TMEM259: variants seen among roughly 807,000 people sequenced by gnomAD.
The protein encoded by TMEM259 is transmembrane protein 259, also known as membralin.
Under a neutral mutation model 46.7 loss-of-function variants are expected in TMEM259, and 26 were observed. The ratio of observed to expected loss-of-function variants is 0.56; its 90% CI spans 0.41 to 0.77. The LOEUF (loss-of-function observed/expected upper bound fraction) is 0.77, where lower values mean the gene tolerates loss of function less well. Ranked by LOEUF, TMEM259 falls within the 30% of genes least tolerant of loss-of-function variation. The pLI is 0.00. For missense variants in TMEM259, 930 were observed against 900.5 expected (o/e 1.03, Z -0.42); for synonymous variants, 494 against 395.1 (o/e 1.25, Z -2.97).
intron 4 of TMEM259, 61 bp from the exon 5 acceptor site, chr19:1,012,249 C>T (rs748213934): frequency 1.3e-6 from 2 of 1,547,486 alleles, no homozygotes; most frequent in East Asian, 2.4e-5. Context: ...GGGCCCTGCC[C>T]CAGCTGGCTC....
At position 1,012,180 on chromosome 19, in the gene TMEM259, G is replaced by T. The variant is rs774357289; in HGVS notation, c.727C>A (p.Arg243=). 5 of 1,601,578 alleles carry T rather than the reference G, an allele frequency of 3.1e-6. No homozygotes were observed. The highest frequency in any genetic ancestry group is 2.3e-5 in the East Asian group (1 of 44,242). Residue 243 remains arginine (R), a synonymous_variant, in exon 5 of 11, where the codon CGG becomes AGG. Transcript: ENST00000356663. The stretch of plus-strand genomic sequence containing the variant: ...AAGCGGTCCCCGAAGCACTGGTCCC[G>T]CGTGGGGTCTGCGGGTGGGTGAATC... ...PVMVVTLDPT[R]DQCFGDRFSR... is the part of the protein sequence containing the mutation.
intron 1 of TMEM259, among the ~76,000 whole-genome samples, chr19:1,015,802 G>C (rs988636386): frequency 7.2e-5 from 11 of 152,174 alleles, no homozygotes; most frequent in Admixed American, 3.3e-4. Flanking sequence ...CCATAGGCAA[G>C]ACCACCAGGA....
Position 1,009,946 on chromosome 19 carries a change from G to A in TMEM259, c.*404C>T, listed in dbSNP as rs1058764. On this transcript the variant is annotated 3_prime_UTR_variant, in exon 11 of 11. Transcript: ENST00000356663. ...AAGGCACTGCAGGGAGCACCAGGCA[G>A]AGCCGGGCTGAGGCCGGCCGGCACT... 1 of 321,742 alleles carries A rather than the reference G, an allele frequency of 3.1e-6. No individual in the cohort carries two copies. Among genetic ancestry groups the A allele is most frequent in the Non-Finnish European group, 5.7e-6 (1 of 176,386 alleles). The allele number at this position is 321,742 out of a possible 1,614,324, so 19.9% of individuals were successfully genotyped here.
rs1434565563 is a variant in TMEM259, at chr19:1,020,385, G to C, written c.225+387C>G. On this transcript the variant is annotated intron_variant, in intron 1 of 10. Coordinates refer to ENST00000356663, the MANE Select transcript of TMEM259 (RefSeq NM_001033026.2). The surrounding 1 kb of genome is among the most constrained non-coding windows in gnomAD (Gnocchi z 4.0). ...GGCACAGTCAGGGGTCAAAGGGCGG[G>C]AGGTGCTACCTCGCAGGCCAGGACC... Among the ~76,000 whole-genome samples the C allele has an allele frequency of 2.0e-5, 3 of 152,160 alleles. No individual in the cohort carries two copies. Among genetic ancestry groups the C allele is most frequent in the Non-Finnish European group, 4.4e-5 (3 of 68,018 alleles).
chr19:1,015,596 G>A (rs1337573325), intron 1 of TMEM259, among the ~76,000 whole-genome samples: 1 of 152,070 alleles, frequency 6.6e-6, no homozygotes, highest in Admixed American at 6.5e-5. Flanking sequence ...CTGCTGCCCC[G>A]ATCCGCAAAA....
At position 1,010,361 on chromosome 19, in the gene TMEM259, C is replaced by T. The variant is rs936191605; in HGVS notation, c.1852G>A (p.Val618Met). 8 of 1,491,334 alleles carry T rather than the reference C, an allele frequency of 5.4e-6. No individual in the cohort carries two copies. The highest frequency in any genetic ancestry group is 7.1e-6 in the Non-Finnish European group (8 of 1,128,792). The allele number at this position is 1,491,334 out of a possible 1,614,324, so 92.4% of individuals were successfully genotyped here. ...SMAPTEAPSEVGS is the reference protein window; with the variant it reads ...SMAPTEAPSEMGS Reference sequence around the variant, plus strand: ...CTCAGCTGTGCGGCTCAGGACCCCACCTCCGAGGGCGCCTCCGTTGGGGCC... The same window carrying T: ...CTCAGCTGTGCGGCTCAGGACCCCATCTCCGAGGGCGCCTCCGTTGGGGCC... Residue 618 changes from valine (V) to methionine (M), a missense_variant, in exon 11 of 11, where the codon GTG (valine) becomes ATG (methionine). Coordinates refer to ENST00000356663, the MANE Select transcript of TMEM259 (RefSeq NM_001033026.2).
In TMEM259 at chr19:1,020,921, C is replaced by A; in HGVS notation, c.76G>T (p.Gly26Trp). Reference sequence around the variant, plus strand: ...GGGTTGAGATTGGGGGTGCGAGGCCCGCGCGCGGGGGCCGGGCCGCCGCCG... The same window carrying A: ...GGGTTGAGATTGGGGGTGCGAGGCCAGCGCGCGGGGGCCGGGCCGCCGCCG... ...GGGGGPAPAR[G>W]PRTPNLNPNP... Residue 26 changes from glycine (G) to tryptophan (W), a missense_variant, in exon 1 of 11, where the codon GGG becomes TGG. By Grantham distance (184) the Gly-to-Trp change is radical. Transcript: ENST00000356663. This position sits in a 1 kb window ranked among gnomAD's most constrained non-coding sequence, Gnocchi z 4.0. 7.9e-7 allele frequency: 1 copy of A among 1,268,970 alleles called. No homozygotes were observed. Among genetic ancestry groups the A allele is most frequent in the Non-Finnish European group, 9.9e-7 (1 of 1,006,254 alleles). 78.6% of individuals were successfully genotyped at this position (1,268,970 alleles called of 1,614,324 possible). A position where few individuals can be genotyped will look rare whatever the true frequency, so the allele number is the denominator to read the frequency against.
In TMEM259 at chr19:1,014,302, C is replaced by G. The variant is rs201250012; in HGVS notation, c.397G>C (p.Gly133Arg). The G allele has an allele frequency of 1.9e-6, 3 of 1,612,918 alleles. No homozygotes were observed. Among genetic ancestry groups the G allele is most frequent in the Non-Finnish European group, 2.5e-6 (3 of 1,179,880 alleles). The stretch of plus-strand genomic sequence containing the variant: ...GCCAGGCCCGGGAAGCTCCCGCGGC[C>G]GCCGCTGTCACAGAACTGTAGGAAG... The part of the protein sequence containing the change: ...PVFLQFCDSG[G>R]RGSFPGLAVE... Residue 133 changes from glycine to arginine, a missense_variant, in exon 2 of 11, where the codon GGC becomes CGC. Physicochemically the swap from Gly to Arg is moderately radical, Grantham distance 125. Transcript: ENST00000356663.
chr19:1,019,904 CTCTTG>C (rs1282009999), intron 1 of TMEM259, among the ~76,000 whole-genome samples: 1 of 152,198 alleles, frequency 6.6e-6, no homozygotes, highest in Non-Finnish European at 1.5e-5. Context: ...TACTGAGCCC[CTCTTG>C]TCACCCAAGC....
Position 1,012,679 on chromosome 19 carries a change from C to A in TMEM259, c.608-106G>T, listed in dbSNP as rs189242035. 1.6e-4 allele frequency: 234 copies of A among 1,447,334 alleles called. No homozygotes were observed. The African/African-American group carries it at 2.4e-3, about 15-fold the overall frequency. 89.7% of individuals were successfully genotyped at this position (1,447,334 alleles called of 1,614,324 possible). Reference sequence around the variant, plus strand: ...GGGGTGGAGGGTGAGACCTGCTGAGCCCTGGGCCCCAGGTGGGTGCTGGGA... The same window carrying A: ...GGGGTGGAGGGTGAGACCTGCTGAGACCTGGGCCCCAGGTGGGTGCTGGGA... On this transcript the variant is annotated intron_variant, in intron 3 of 10. Transcript: ENST00000356663.
rs1294130180 is a variant in TMEM259 at position 1,020,963 on chromosome 19, G to T, written c.34C>A (p.Pro12Thr). Residue 12 changes from proline (P) to threonine (T), a missense_variant, in exon 1 of 11, where the codon CCC (proline) becomes ACC (threonine). Coordinates refer to ENST00000356663, the MANE Select transcript of TMEM259 (RefSeq NM_001033026.2). The surrounding 1 kb of genome is among the most constrained non-coding windows in gnomAD (Gnocchi z 4.0). ...SEHVEPAAPG[P>T]GPNGGGGGPA... Reference sequence around the variant, plus strand: ...CCGCCGCCGCCGCCGTTGGGCCCGGGCCCCGGAGCTGCGGGCTCCACGTGC... The same window carrying T: ...CCGCCGCCGCCGCCGTTGGGCCCGGTCCCCGGAGCTGCGGGCTCCACGTGC... The T allele has an allele frequency of 2.4e-6, 3 of 1,272,422 alleles. No individual in the cohort carries two copies. The highest frequency in any genetic ancestry group is 3.0e-6 in the Non-Finnish European group (3 of 1,007,316). 78.8% of individuals were successfully genotyped at this position (1,272,422 alleles called of 1,614,324 possible).
At chr19:1,012,263 T>C (rs996790579) in intron 4 of TMEM259, 75 bp from the exon 5 acceptor site, 7 of 1,538,174 alleles carry the variant, frequency 4.6e-6, no homozygotes, top group Non-Finnish European at 6.1e-6. Context: ...CTGGCTCCAT[T>C]GCTGAGGCCT....
rs1004151742 is a variant in TMEM259 at position 1,021,005 on chromosome 19, G to A, written c.-9C>T. On this transcript the variant is annotated 5_prime_UTR_variant, in exon 1 of 11. Transcript: ENST00000356663. ...TCCACGTGCTCCGACATGCCTCCCA[G>A]CGTCGCGCCCTAACGACCCGCAAGT... is the stretch of plus-strand genomic sequence containing the variant. 7.4e-7 allele frequency: 1 copy of A among 1,360,208 alleles called. No homozygotes were observed. 84.3% of individuals were successfully genotyped at this position (1,360,208 alleles called of 1,614,324 possible).
Position 1,009,799 on chromosome 19 carries a change from G to A in TMEM259, c.*551C>T, listed in dbSNP as rs1392467087. 7 of 492,472 alleles carry A rather than the reference G, an allele frequency of 1.4e-5. No homozygotes were observed. The highest frequency in any genetic ancestry group is 4.1e-5 in the South Asian group (1 of 24,280). 30.5% of individuals were successfully genotyped at this position (492,472 alleles called of 1,614,324 possible). ...CCATCCCCGAGTGGGACTGGACCAC[G>A]GCCCTGGCTGCTGCCACTGATGTTG... On this transcript the variant is annotated 3_prime_UTR_variant, in exon 11 of 11. Transcript: ENST00000356663.
rs904927570 is a variant in TMEM259, at chr19:1,011,680, G to A, written c.1001-17C>T. The stretch of plus-strand genomic sequence containing the variant: ...GCAGGTCCACTGCGGGCACAGGGCG[G>A]CGGGCGCCCGGTGAGGGCCTGGAGG... On this transcript the variant is annotated splice_polypyrimidine_tract_variant and intron_variant, in intron 7 of 10. Transcript: ENST00000356663. 3 of 1,538,816 alleles carry A rather than the reference G, an allele frequency of 1.9e-6. No homozygotes were observed. The highest frequency in any genetic ancestry group is 2.7e-5 in the African/African-American group (2 of 72,836).
At position 1,020,976 on chromosome 19, in the gene TMEM259, G is replaced by T. The variant is rs747770087; in HGVS notation, c.21C>A (p.Pro7=). Residue 7 remains proline, a synonymous_variant, in exon 1 of 11, where the codon CCC becomes CCA. Transcript: ENST00000356663. The surrounding 1 kb of genome is among the most constrained non-coding windows in gnomAD (Gnocchi z 4.0). The part of the protein sequence containing the change: MSEHVE[P]AAPGPGPNGG... ...CGTTGGGCCCGGGCCCCGGAGCTGC[G>T]GGCTCCACGTGCTCCGACATGCCTC... 8.5e-6 allele frequency: 11 copies of T among 1,299,416 alleles called. No individual in the cohort carries two copies. In the East Asian group the frequency reaches 2.6e-4, roughly 31 times the overall value. 80.5% of individuals were successfully genotyped at this position (1,299,416 alleles called of 1,614,324 possible).
In TMEM259 at chr19:1,020,772, CT is replaced by C; in HGVS notation, c.224del (p.Lys75ArgfsTer84). 2 of 1,335,380 alleles carry C rather than the reference CT, an allele frequency of 1.5e-6. No homozygotes were observed. Among genetic ancestry groups the C allele is most frequent in the Non-Finnish European group, 1.9e-6 (2 of 1,037,954 alleles). The allele number at this position is 1,335,380 out of a possible 1,614,324, so 82.7% of individuals were successfully genotyped here. On this transcript the variant is annotated frameshift_variant and splice_region_variant, in exon 1 of 11. Transcript: ENST00000356663. LOFTEE classifies it high-confidence loss of function. The surrounding 1 kb of genome is among the most constrained non-coding windows in gnomAD (Gnocchi z 4.0). ...GGTCGGGGGTCGGGGCCGCGGTCAC[CT>C]TGAGCAGCACGAAGAACTCGAAGAG... Reference protein sequence around the residue: ...RRLFEFFVLLKALFVLFVLAY... With the variant: ...RRLFEFFVLLXALFVLFVLAY...
In TMEM259 at chr19:1,010,689, C is replaced by G; in HGVS notation, c.1524G>C (p.Gly508=). 1 of 1,531,772 alleles carries G rather than the reference C, an allele frequency of 6.5e-7. No homozygotes were observed. Among genetic ancestry groups the G allele is most frequent in the East Asian group, 2.5e-5 (1 of 40,790 alleles). 94.9% of individuals were successfully genotyped at this position (1,531,772 alleles called of 1,614,324 possible). A position where few individuals can be genotyped will look rare whatever the true frequency, so the allele number is the denominator to read the frequency against. Residue 508 remains glycine (G), a synonymous_variant, in exon 11 of 11, where the codon GGG becomes GGC. Coordinates refer to ENST00000356663, the MANE Select transcript of TMEM259 (RefSeq NM_001033026.2). ...QPPALGPVSP[G]ASGSPGPVAA... is the part of the protein sequence containing the mutation. Reference sequence around the variant, plus strand: ...CCACAGGCCCGGGACTCCCGCTGGCCCCAGGCGAGACGGGGCCCAGGGCGG... The same window carrying G: ...CCACAGGCCCGGGACTCCCGCTGGCGCCAGGCGAGACGGGGCCCAGGGCGG...
At chr19:1,013,894 C>A (rs188864717) in intron 2 of TMEM259, among the ~76,000 whole-genome samples, 2 of 152,294 alleles carry the variant, frequency 1.3e-5, no homozygotes, top group East Asian at 3.9e-4. Context: ...CATCCCCAGC[C>A]CCAGCCAATC....
Sources: gnomAD v4.1 joint callset for allele counts (sites outside exome capture counted in the v4.1 genomes callset) on GRCh38, gnomAD v4.1.1 for gene constraint, Gnocchi (gnomAD v3.1) non-coding constraint, MANE v1.5 for transcripts, NCBI Gene and HGNC (gene_info 2026-07-23, HGNC 2026-07-21) for gene names.